The following NBAS variants were observed in gnomAD, a reference collection of about 807,000 sequenced individuals.
NBAS encodes NBAS subunit of NRZ tethering complex.
Under a neutral mutation model 302.5 loss-of-function variants are expected in NBAS, and 219 were observed. The observed-to-expected ratio is 0.72, with a 90% CI of 0.65 to 0.81. The LOEUF (loss-of-function observed/expected upper bound fraction) is 0.81, where lower values mean the gene tolerates loss of function less well. NBAS is among the 30% of genes least tolerant of loss of function. The probability of loss-of-function intolerance (pLI) is 0.00; values close to 1 mark genes in which losing one functional copy is unlikely to be tolerated. For missense variants in NBAS, 2,932 were observed against 2,841.6 expected, an observed-to-expected ratio of 1.03 and a Z score of -0.72; for synonymous variants, 1,118 against 1,021.6, an observed-to-expected ratio of 1.09 and a Z score of -1.80.
chr2:15,476,335 G>A (rs564311717), intron 13 of NBAS, among the ~76,000 whole-genome samples: 42 of 152,016 alleles, frequency 2.8e-4, no homozygotes, highest in African/African-American at 9.2e-4. Flanking sequence ...AGACAGATAT[G>A]TAATAGTTTC....
intron 11 of NBAS, among the ~76,000 whole-genome samples, chr2:15,499,777 T>C (rs937925536): frequency 6.6e-6 from 1 of 152,130 alleles, no homozygotes; most frequent in African/African-American, 2.4e-5. Context: ...AAGTTAAATT[T>C]TTTAAAAAAG....
chr2:15,013,173 A>G, the NBAS span, among the ~76,000 whole-genome samples: 1 of 152,196 alleles, frequency 6.6e-6, no homozygotes, highest in Non-Finnish European at 1.5e-5. Context: ...GAGGAAATTT[A>G]TCACAACTAG....
chr2:15,238,550 G>GT lies in NBAS; in HGVS notation c.5860dup (p.Thr1954AsnfsTer26). On this transcript the variant is annotated frameshift_variant, in exon 45 of 52. Transcript: ENST00000281513. LOFTEE classifies it high-confidence loss of function. ...AAGTGATTTCTCCAGATGATTCAAA[G>GT]TATCTGCATAGGTAACTTTAGAATC... The GT allele has an allele frequency of 6.2e-7, 1 of 1,614,150 alleles. No individual in the cohort carries two copies. Among genetic ancestry groups the GT allele is most frequent in the Non-Finnish European group, 8.5e-7 (1 of 1,180,028 alleles).
intron 41 of NBAS, among the ~76,000 whole-genome samples, chr2:15,288,855 T>C (rs1670177203): frequency 6.6e-6 from 1 of 152,220 alleles, no homozygotes; most frequent in Non-Finnish European, 1.5e-5. Context: ...CTGGCAAACG[T>C]TTTCTGGGAA....
chr2:15,282,432 C>A (rs1195587265), intron 42 of NBAS, among the ~76,000 whole-genome samples: 3 of 152,164 alleles, frequency 2.0e-5, no homozygotes, highest in African/African-American at 7.2e-5. Flanking sequence ...ATATAGTTTA[C>A]TCATCTCTCC....
chr2:15,247,076 T>G (rs1346991728), intron 44 of NBAS, among the ~76,000 whole-genome samples: 1 of 152,060 alleles, frequency 6.6e-6, no homozygotes, highest in Non-Finnish European at 1.5e-5. Flanking sequence ...AGGAGGAATG[T>G]GAAGAGGTCA....
At chr2:15,351,903 C>A (rs528589128) in intron 35 of NBAS, 89 bp downstream of exon 35, 61 of 928,210 alleles carry the variant, frequency 6.6e-5, no homozygotes, top group Non-Finnish European at 1.0e-4. Flanking sequence ...CACACACACA[C>A]AAAACCCCTC....
At chr2:15,464,692 TCTC>T (rs1236119752) in intron 19 of NBAS, among the ~76,000 whole-genome samples, 1 of 152,142 alleles carries the variant, frequency 6.6e-6, no homozygotes, top group Non-Finnish European at 1.5e-5. Flanking sequence ...CACAGTCTCC[TCTC>T]CTCTCCTTCA....
At chr2:15,482,931 T>C (rs922405406) in intron 12 of NBAS, among the ~76,000 whole-genome samples, 2 of 152,176 alleles carry the variant, frequency 1.3e-5, no homozygotes, top group African/African-American at 4.8e-5. Context: ...ACCCGACATA[T>C]TCATGCTACC....
At chr2:15,399,566 G>A (rs1172241201) in intron 26 of NBAS, among the ~76,000 whole-genome samples, 1 of 151,774 alleles carries the variant, frequency 6.6e-6, no homozygotes, top group Non-Finnish European at 1.5e-5. Flanking sequence ...CTGTGTTCAG[G>A]TACAGGTCTG....
the NBAS span, among the ~76,000 whole-genome samples, chr2:15,061,381 T>G: frequency 6.6e-6 from 1 of 152,246 alleles, no homozygotes; most frequent in Non-Finnish European, 1.5e-5. Context: ...AAAGCTATCA[T>G]GAAGATTAAA....
chr2:15,011,370 A>C, the NBAS span, among the ~76,000 whole-genome samples: 1 of 152,120 alleles, frequency 6.6e-6, no homozygotes, highest in Non-Finnish European at 1.5e-5. Flanking sequence ...AAGTACATGC[A>C]AAATTTGAAG....
the NBAS span, among the ~76,000 whole-genome samples, chr2:14,980,968 G>T: frequency 6.6e-6 from 1 of 151,086 alleles, no homozygotes; most frequent in Non-Finnish European, 1.5e-5. Flanking sequence ...TTAGAAAGTA[G>T]ATCTAAAAGA....
At chr2:15,117,482 C>T in the NBAS span, among the ~76,000 whole-genome samples, 1 of 152,182 alleles carries the variant, frequency 6.6e-6, no homozygotes, top group African/African-American at 2.4e-5. Flanking sequence ...TAAGGCAGCC[C>T]TCACAAAGTG....
the NBAS span, among the ~76,000 whole-genome samples, chr2:15,038,080 A>AATATAT: frequency 0.014 from 1,980 of 140,654 alleles, 23 homozygotes; most frequent in African/African-American, 0.03. Context: ...ATAATTATAT[A>AATATAT]ATATATATAT....
At chr2:14,981,511 G>A in the NBAS span, among the ~76,000 whole-genome samples, 12 of 152,268 alleles carry the variant, frequency 7.9e-5, no homozygotes, top group South Asian at 2.1e-4. Context: ...CTAGCTATTC[G>A]TCAGAAATTA....
chr2:14,886,312 T>C, the NBAS span, among the ~76,000 whole-genome samples: 1 of 152,244 alleles, frequency 6.6e-6, no homozygotes, highest in Admixed American at 6.5e-5. Flanking sequence ...CAAATCTCTA[T>C]GCTGTCCTAC....
chr2:14,794,630 C>T, the NBAS span, among the ~76,000 whole-genome samples: 1 of 152,138 alleles, frequency 6.6e-6, no homozygotes, highest in Non-Finnish European at 1.5e-5. Context: ...ATAAATTGCA[C>T]ATAAAGTGTT....
chr2:15,150,231 A>G, the NBAS span, among the ~76,000 whole-genome samples: 1 of 152,328 alleles, frequency 6.6e-6, no homozygotes, highest in African/African-American at 2.4e-5. Context: ...AAATTCCTAG[A>G]AACCTGATCA....
Sources: allele counts gnomAD v4.1 joint callset (sites outside exome capture counted in the v4.1 genomes callset), GRCh38; gene constraint gnomAD v4.1.1; transcripts MANE v1.5; gene names NCBI Gene and HGNC (gene_info 2026-07-23, HGNC 2026-07-21).